TECR: variants seen among roughly 807,000 people sequenced by gnomAD.
TECR encodes trans-2,3-enoyl-CoA reductase, also known as very-long-chain enoyl-CoA reductase.
In TECR, 19 loss-of-function variants were observed where a neutral mutation model predicts 50.6. That is an observed-to-expected ratio of 0.38 (90% CI 0.26 to 0.55). TECR has a LOEUF of 0.55. TECR is among the 20% of genes least tolerant of loss of function. The pLI is 0.79. For missense variants in TECR, 313 were observed against 408.3 expected (o/e 0.77, Z 2.01); for synonymous variants, 168 against 163.5 (o/e 1.03, Z -0.21).
At chr19:14,540,481 G>A (rs954473895) in intron 1 of TECR, among the ~76,000 whole-genome samples, 2 of 149,886 alleles carry the variant, frequency 1.3e-5, no homozygotes, top group African/African-American at 4.9e-5. Flanking sequence ...CAACCTCTGC[G>A]TCTGGGATTC....
chr19:14,565,365 C>T (rs2074046440), intron 11 of TECR, 75 bp downstream of exon 11: 9 of 1,566,170 alleles, frequency 5.7e-6, no homozygotes, highest in Admixed American at 3.4e-5. Flanking sequence ...TAGGATGGGG[C>T]GCCTGGCTGG....
At chr19:14,554,970 G>A (rs560989653) in intron 1 of TECR, among the ~76,000 whole-genome samples, 1 of 151,636 alleles carries the variant, frequency 6.6e-6, no homozygotes, top group Non-Finnish European at 1.5e-5. Context: ...GTAGAGATGG[G>A]GTTTCACCAT....
At chr19:14,544,906 T>G (rs1189911560) in intron 1 of TECR, among the ~76,000 whole-genome samples, 3 of 152,242 alleles carry the variant, frequency 2.0e-5, no homozygotes, top group South Asian at 4.1e-4. Flanking sequence ...GTGCTGGGAT[T>G]ACAGACAAGA....
Position 14,529,763 on chromosome 19 carries a change from C to G in TECR, c.15+52C>G, listed in dbSNP as rs955026211. 10 of 1,613,456 alleles carry G rather than the reference C, an allele frequency of 6.2e-6. No individual in the cohort carries two copies. The South Asian group carries it at 9.9e-5, about 16-fold the overall frequency. The stretch of plus-strand genomic sequence containing the variant: ...TGGCCACTGCTGACCCATTCTTTTT[C>G]CTTCTTTGCGGGACCACGGGACCCC... On this transcript the variant is annotated intron_variant, in intron 1 of 12. Coordinates refer to ENST00000215567, the MANE Select transcript of TECR (RefSeq NM_138501.6).
intron 1 of TECR, among the ~76,000 whole-genome samples, chr19:14,551,477 C>T (rs1240205830): frequency 6.6e-6 from 1 of 152,166 alleles, no homozygotes; most frequent in Non-Finnish European, 1.5e-5. Flanking sequence ...CTTGCAGGCA[C>T]ACCCATTTAC....
chr19:14,564,683 G>A, intron 7 of TECR, 103 bp from the exon 8 acceptor site: 1 of 1,278,570 alleles, frequency 7.8e-7, no homozygotes. Flanking sequence ...GGCCCCTCCT[G>A]TCCTTTCCCA....
intron 1 of TECR, among the ~76,000 whole-genome samples, chr19:14,536,284 T>C (rs1415627628): frequency 1.4e-5 from 2 of 139,730 alleles, no homozygotes; most frequent in Non-Finnish European, 3.2e-5. Context: ...TTTTTTTTTT[T>C]CGTGAGACAG....
chr19:14,553,498 T>C (rs546240723), intron 1 of TECR, among the ~76,000 whole-genome samples: 1 of 152,246 alleles, frequency 6.6e-6, no homozygotes, highest in South Asian at 2.1e-4. Flanking sequence ...GGTCATACAC[T>C]GAGGCCACTG....
At chr19:14,529,356 C>A, upstream of TECR, 1 of 483,454 alleles carries the variant, frequency 2.1e-6, no homozygotes, top group Admixed American at 3.3e-5. Context: ...CAAAGGGACG[C>A]GCGGGGCAGA....
Position 14,565,767 on chromosome 19 carries a change from T to C in TECR, c.823T>C (p.Phe275Leu). Residue 275 changes from phenylalanine (F) to leucine (L), a missense_variant, in exon 13 of 13, where the codon TTC becomes CTC. Phe to Leu is a conservative substitution (Grantham distance 22). Transcript: ENST00000215567. ...LPVALFSLVG[F>L]TQMTIWAKGK... Reference sequence around the variant, plus strand: ...AGTGGCCCTGTTCTCCCTGGTGGGCTTCACCCAGATGACCATCTGGGCCAA... The same window carrying C: ...AGTGGCCCTGTTCTCCCTGGTGGGCCTCACCCAGATGACCATCTGGGCCAA... 1 of 1,611,408 alleles carries C rather than the reference T, an allele frequency of 6.2e-7. No homozygotes were observed.
chr19:14,560,482 C>T (rs374423722), intron 1 of TECR, among the ~76,000 whole-genome samples: 4 of 152,212 alleles, frequency 2.6e-5, no homozygotes, highest in African/African-American at 4.8e-5. Flanking sequence ...AACCCTTTCC[C>T]GTGGATCCCG....
chr19:14,561,867 A>T, intron 1 of TECR: 1 of 157,684 alleles, frequency 6.3e-6, no homozygotes, highest in Non-Finnish European at 1.4e-5. Context: ...CGGATTCTCA[A>T]AATAGCTGGG....
At chr19:14,532,547 A>C (rs1416040984) in intron 1 of TECR, 5 of 151,616 alleles carry the variant, frequency 3.3e-5, no homozygotes, top group South Asian at 2.1e-4. Context: ...GGAAGCTTCA[A>C]ACTCACTGTT....
intron 1 of TECR, chr19:14,530,118 A>G: frequency 6.2e-6 from 2 of 321,300 alleles, no homozygotes; most frequent in South Asian, 2.7e-5. Flanking sequence ...GGGCTTTGCT[A>G]TCAGTATTCT....
At chr19:14,538,396 C>T (rs553811743) in intron 1 of TECR, among the ~76,000 whole-genome samples, 8 of 152,194 alleles carry the variant, frequency 5.3e-5, no homozygotes, top group Admixed American at 1.3e-4. Context: ...CAGCATGCTT[C>T]GCGGCCCACA....
At chr19:14,543,300 GGGT>G (rs2073164714) in intron 1 of TECR, among the ~76,000 whole-genome samples, 1 of 126,062 alleles carries the variant, frequency 7.9e-6, no homozygotes, top group South Asian at 2.4e-4. Context: ...GGTGGGGTGG[GGGT>G]GTGTGTGTGT....
chr19:14,530,303 T>A (rs1290384117), intron 1 of TECR: 1 of 158,040 alleles, frequency 6.3e-6, no homozygotes, highest in African/African-American at 2.4e-5. Context: ...AGAAATCTTA[T>A]ACCCACCCAC....
Position 14,565,621 on chromosome 19 carries a change from G to A in TECR, c.757G>A (p.Gly253Arg), listed in dbSNP as rs2074057137. 6.2e-7 allele frequency: 1 copy of A among 1,611,492 alleles called. No individual in the cohort carries two copies. Among genetic ancestry groups the A allele is most frequent in the Middle Eastern group, 1.6e-4 (1 of 6,082 alleles). ...CACTCTCCGCCCCTGCCCACAGGTG[G>A]GGTCCTGGATCGGTTTCGCCATCAT... ...VSCPNYTYEV[G>R]SWIGFAIMTQ... The change falls in exon 12 of 13, where the codon GGG (glycine) becomes AGG (arginine). Residue 253 changes from glycine to arginine, a missense_variant. Coordinates refer to ENST00000215567, the MANE Select transcript of TECR (RefSeq NM_138501.6).
chr19:14,560,805 C>A (rs1252837844), intron 1 of TECR, among the ~76,000 whole-genome samples: 1 of 152,160 alleles, frequency 6.6e-6, no homozygotes, highest in Non-Finnish European at 1.5e-5. Context: ...GCTGTGGTGA[C>A]TGCCAGGCCA....
Sources: allele counts gnomAD v4.1 joint callset (sites outside exome capture counted in the v4.1 genomes callset), GRCh38; gene constraint gnomAD v4.1.1; transcripts MANE v1.5; gene names NCBI Gene and HGNC (gene_info 2026-07-23, HGNC 2026-07-21).